WEE1: variants seen among roughly 807,000 people sequenced by gnomAD.
WEE1 encodes WEE1 G2 checkpoint kinase.
WEE1 carries 16 observed loss-of-function variants against 68.8 expected under a neutral mutation model. The observed-to-expected ratio is 0.23, with a 90% CI of 0.16 to 0.35. The LOEUF (loss-of-function observed/expected upper bound fraction) is 0.35. WEE1 is among the 10% of genes least tolerant of loss of function. WEE1 has a pLI of 1.00. For synonymous variants in WEE1, 349 were observed against 318.7 expected (o/e 1.09, Z -1.01); for missense variants, 651 against 824.1 (o/e 0.79, Z 2.57).
At position 9,574,130 on chromosome 11, in the gene WEE1, G is replaced by C; in HGVS notation, c.197G>C (p.Arg66Pro). 8.3e-7 allele frequency: 1 copy of C among 1,207,010 alleles called. No individual in the cohort carries two copies. Among genetic ancestry groups the C allele is most frequent in the Non-Finnish European group, 1.0e-6 (1 of 972,464 alleles). 74.8% of individuals were successfully genotyped at this position (1,207,010 alleles called of 1,614,324 possible). A position where few individuals can be genotyped will look rare whatever the true frequency, so the allele number is the denominator to read the frequency against. ...QEPDSPLPPA[R>P]SPTEPGPERR... ...CCCGACTCGCCGCTGCCGCCCGCGCGGAGCCCCACGGAGCCCGGGCCCGAG... is the reference window on the plus strand; with the variant it reads ...CCCGACTCGCCGCTGCCGCCCGCGCCGAGCCCCACGGAGCCCGGGCCCGAG... The change falls in exon 1 of 11, where the codon CGG becomes CCG. Residue 66 changes from arginine (R) to proline (P), a missense_variant. Arg to Pro is a moderately radical substitution (Grantham distance 103). This residue lies in a region of WEE1 where 395 missense variants were observed against 378.4 expected (regional missense o/e 1.04). Coordinates refer to ENST00000450114, the MANE Select transcript of WEE1 (RefSeq NM_003390.4). This position sits in a 1 kb window ranked among gnomAD's most constrained non-coding sequence, Gnocchi z 4.9.
chr11:9,585,623 T>A, intron 8 of WEE1, 96 bp downstream of exon 8: 1 of 999,840 alleles, frequency 1.0e-6, no homozygotes, highest in Non-Finnish European at 1.4e-6. Context: ...TGAAGTTAAC[T>A]AATAGAATGG....
intron 6 of WEE1, among the ~76,000 whole-genome samples, chr11:9,583,773 A>G (rs1246635696): frequency 2.1e-4 from 7 of 33,288 alleles, no homozygotes; most frequent in Non-Finnish European, 3.4e-4. Context: ...ACACACACAC[A>G]CACACACACA....
At position 9,574,413 on chromosome 11, in the gene WEE1, C is replaced by A; in HGVS notation, c.480C>A (p.Gly160=). The change falls in exon 1 of 11, where the codon GGC becomes GGA. Residue 160 remains glycine (G), a synonymous_variant. Coordinates refer to ENST00000450114, the MANE Select transcript of WEE1 (RefSeq NM_003390.4). This position sits in a 1 kb window ranked among gnomAD's most constrained non-coding sequence, Gnocchi z 4.9. ...GGGGTTGCGGGGCGCGCCGGGCGGG[C>A]GAAGGCCGCCGCTCGCCGCGGCCGG... ...SPRGCGARRA[G]EGRRSPRPDH... 1 of 1,217,414 alleles carries A rather than the reference C, an allele frequency of 8.2e-7. No individual in the cohort carries two copies. The highest frequency in any genetic ancestry group is 1.0e-6 in the Non-Finnish European group (1 of 984,140). 75.4% of individuals were successfully genotyped at this position (1,217,414 alleles called of 1,614,324 possible). A position where few individuals can be genotyped will look rare whatever the true frequency, so the allele number is the denominator to read the frequency against.
chr11:9,574,567 C>A lies in WEE1; in HGVS notation c.576+58C>A. 8.7e-7 allele frequency: 1 copy of A among 1,154,658 alleles called. No homozygotes were observed. The highest frequency in any genetic ancestry group is 1.1e-6 in the Non-Finnish European group (1 of 940,630). 71.5% of individuals were successfully genotyped at this position (1,154,658 alleles called of 1,614,324 possible). On this transcript the variant is annotated intron_variant, in intron 1 of 10. Transcript: ENST00000450114. This position sits in a 1 kb window ranked among gnomAD's most constrained non-coding sequence, Gnocchi z 4.9. ...GGGGCCGCGGCGCCGGAGGGGCCAG[C>A]GCCGCTGCCTGGGTTCGGTTACAGA...
chr11:9,579,794 C>T (rs1310412162), intron 5 of WEE1: 3 of 152,184 alleles, frequency 2.0e-5, no homozygotes, highest in African/African-American at 7.2e-5. Flanking sequence ...GGAGAACATA[C>T]TTAAGACTAA....
chr11:9,574,611 C>G lies in WEE1; in HGVS notation c.576+102C>G, dbSNP rs907459775. ...TTACAGAAGCGGCCGGCCGCTCCCC[C>G]CTCGCTTTCCTGCGCCGCCCCCCAA... is the stretch of plus-strand genomic sequence containing the variant. On this transcript the variant is annotated intron_variant, in intron 1 of 10. Transcript: ENST00000450114. This position sits in a 1 kb window ranked among gnomAD's most constrained non-coding sequence, Gnocchi z 4.9. 37 of 1,121,936 alleles carry G rather than the reference C, an allele frequency of 3.3e-5. No homozygotes were observed. The highest frequency in any genetic ancestry group is 1.5e-4 in the East Asian group (3 of 20,176). 69.5% of individuals were successfully genotyped at this position (1,121,936 alleles called of 1,614,324 possible). A position where few individuals can be genotyped will look rare whatever the true frequency, so the allele number is the denominator to read the frequency against.
Position 9,574,327 on chromosome 11 carries a change from T to G in WEE1, c.394T>G (p.Tyr132Asp). The G allele has an allele frequency of 7.9e-7, 1 of 1,271,444 alleles. No individual in the cohort carries two copies. The highest frequency in any genetic ancestry group is 9.9e-7 in the Non-Finnish European group (1 of 1,006,812). The allele number at this position is 1,271,444 out of a possible 1,614,324, so 78.8% of individuals were successfully genotyped here. A position where few individuals can be genotyped will look rare whatever the true frequency, so the allele number is the denominator to read the frequency against. The change falls in exon 1 of 11, where the codon TAC becomes GAC. Residue 132 changes from tyrosine (Y) to aspartate (D), a missense_variant. Coordinates refer to ENST00000450114, the MANE Select transcript of WEE1 (RefSeq NM_003390.4). The surrounding 1 kb of genome is among the most constrained non-coding windows in gnomAD (Gnocchi z 4.9). ...GCCGGTCAAGTCGCCGGCGGCCCCC[T>G]ACTTCCTGGGTAGCTCTTTCTCGCC... The part of the protein sequence containing the change: ...SSPVKSPAAP[Y>D]FLGSSFSPVR...
Position 9,574,116 on chromosome 11 carries a change from G to T in WEE1, c.183G>T (p.Pro61=), listed in dbSNP as rs1465483346. The change falls in exon 1 of 11, where the codon CCG becomes CCT. Residue 61 remains proline, a synonymous_variant. Transcript: ENST00000450114. The surrounding 1 kb of genome is among the most constrained non-coding windows in gnomAD (Gnocchi z 4.9). ...EDSAFQEPDS[P]LPPARSPTEP... ...CGGCCTTTCAAGAGCCCGACTCGCC[G>T]CTGCCGCCCGCGCGGAGCCCCACGG... 3.3e-6 allele frequency: 4 copies of T among 1,215,162 alleles called. No homozygotes were observed. Among genetic ancestry groups the T allele is most frequent in the Non-Finnish European group, 4.1e-6 (4 of 977,658 alleles). The allele number at this position is 1,215,162 out of a possible 1,614,324, so 75.3% of individuals were successfully genotyped here. A position where few individuals can be genotyped will look rare whatever the true frequency, so the allele number is the denominator to read the frequency against.
chr11:9,583,757 GCGCGCACACACACACACACACACACACA>G (rs1418534631), intron 6 of WEE1, among the ~76,000 whole-genome samples: 13 of 11,558 alleles, frequency 1.1e-3, no homozygotes, highest in African/African-American at 2.9e-3. Context: ...GCGTGCACGC[GCGCGCACACACACACACACACACACACA>G]CACACACACA....
At chr11:9,586,406 G>T in intron 8 of WEE1, 43 bp from the exon 9 acceptor site, 1 of 1,546,022 alleles carries the variant, frequency 6.5e-7, no homozygotes, top group South Asian at 1.2e-5. Flanking sequence ...GTTTTATTTT[G>T]ACCATGTTTA....
At chr11:9,585,673 C>G in intron 8 of WEE1, 146 bp downstream of exon 8, 1 of 679,528 alleles carries the variant, frequency 1.5e-6, no homozygotes. Flanking sequence ...ATTTAATAAG[C>G]AAAAAGTCAT....
In WEE1 at chr11:9,574,880, A is replaced by G. The variant is rs548606620; in HGVS notation, c.576+371A>G. The G allele has an allele frequency of 1.4e-5, 14 of 986,858 alleles. No homozygotes were observed. Among genetic ancestry groups the G allele is most frequent in the South Asian group, 4.7e-5 (1 of 21,292 alleles). 61.1% of individuals were successfully genotyped at this position (986,858 alleles called of 1,614,324 possible). A position where few individuals can be genotyped will look rare whatever the true frequency, so the allele number is the denominator to read the frequency against. On this transcript the variant is annotated intron_variant, in intron 1 of 10. Coordinates refer to ENST00000450114, the MANE Select transcript of WEE1 (RefSeq NM_003390.4). The surrounding 1 kb of genome is among the most constrained non-coding windows in gnomAD (Gnocchi z 4.9). ...CCCGGCCACCTGACACTCCCGAGCC[A>G]TAGGATGCCTTTTAAACGCGGCGAT...
chr11:9,573,988 T>C lies in WEE1; in HGVS notation c.55T>C (p.Cys19Arg). The change falls in exon 1 of 11, where the codon TGC becomes CGC. Residue 19 changes from cysteine (C) to arginine (R), a missense_variant. Physicochemically the swap from Cys to Arg is radical, Grantham distance 180. Around this residue, in one of 5 missense-constraint regions of WEE1, gnomAD observed 395 missense variants for 378.4 expected, o/e 1.04. Coordinates refer to ENST00000450114, the MANE Select transcript of WEE1 (RefSeq NM_003390.4). ...PPPPRRAGAA[C>R]TLRQKLIFSP... ...GCCACCCCGCCGCGCCGGGGCGGCC[T>C]GCACCTTGCGGCAGAAGCTGATCTT... 2.3e-6 allele frequency: 3 copies of C among 1,287,730 alleles called. No homozygotes were observed. The highest frequency in any genetic ancestry group is 2.0e-6 in the Non-Finnish European group (2 of 1,017,348). The allele number at this position is 1,287,730 out of a possible 1,614,324, so 79.8% of individuals were successfully genotyped here.
At chr11:9,585,892 T>G (rs1042401444) in intron 8 of WEE1, among the ~76,000 whole-genome samples, 2 of 152,206 alleles carry the variant, frequency 1.3e-5, no homozygotes, top group Non-Finnish European at 2.9e-5. Context: ...GAGAACAGTG[T>G]AAATAAGTGT....
intron 6 of WEE1, 37 bp downstream of exon 6, chr11:9,581,715 G>T: frequency 6.4e-7 from 1 of 1,560,366 alleles, no homozygotes. Context: ...TGTTCTTTGG[G>T]GTTATAGAGA....
At chr11:9,585,564 T>A in intron 8 of WEE1, 37 bp downstream of exon 8, 1 of 1,476,396 alleles carries the variant, frequency 6.8e-7, no homozygotes, top group Non-Finnish European at 9.1e-7. Context: ...GTTTGCTTTG[T>A]AACACTTAGC....
At chr11:9,577,789 T>G in intron 5 of WEE1, 1 of 443,002 alleles carries the variant, frequency 2.3e-6, no homozygotes, top group Non-Finnish European at 4.5e-6. Context: ...TATGTTACAT[T>G]CTTTTAGTTC....
Position 9,585,438 on chromosome 11 carries a change from C to G in WEE1, c.1385-4C>G, listed in dbSNP as rs1441744981. ...CTTCACTGTAAGTTTTTCAATACTT[C>G]TAGGTGATCTTGGGCATGTAACAAG... On this transcript the variant is annotated splice_region_variant and splice_polypyrimidine_tract_variant and intron_variant, in intron 7 of 10. Transcript: ENST00000450114. 2 of 1,608,094 alleles carry G rather than the reference C, an allele frequency of 1.2e-6. No homozygotes were observed. The highest frequency in any genetic ancestry group is 1.1e-5 in the South Asian group (1 of 89,520).
intron 5 of WEE1, chr11:9,577,858 G>C (rs1217592895): frequency 1.3e-5 from 6 of 456,076 alleles, no homozygotes; most frequent in Non-Finnish European, 2.2e-5. Context: ...GGCATGTATA[G>C]ATTCAAGTTT....
Sources: allele counts gnomAD v4.1 joint callset (sites outside exome capture counted in the v4.1 genomes callset), GRCh38; gene constraint gnomAD v4.1.1; regional missense constraint gnomAD v4.1.1; non-coding constraint Gnocchi (gnomAD v3.1); transcripts MANE v1.5; gene names NCBI Gene and HGNC (gene_info 2026-07-23, HGNC 2026-07-21).